Variants in MSI2 observed in about 807,000 individuals in gnomAD.
MSI2 encodes the protein RNA-binding protein Musashi homolog 2.
Under a neutral mutation model 45.6 loss-of-function variants are expected in MSI2, and 17 were observed. That is an observed-to-expected ratio of 0.37 (90% confidence interval 0.26 to 0.56). The LOEUF (loss-of-function observed/expected upper bound fraction) is 0.56, where lower values mean the gene tolerates loss of function less well. MSI2 is among the 20% of genes least tolerant of loss of function. MSI2 has a pLI of 0.77. For synonymous variants in MSI2, 156 were observed against 158.2 expected (o/e 0.99, Z 0.11); for missense variants, 293 against 444.2 (o/e 0.66, Z 3.06).
chr17:57,584,806 T>TA (rs1447441416), intron 7 of MSI2, among the ~76,000 whole-genome samples: 1 of 147,180 alleles, frequency 6.8e-6, no homozygotes, highest in Non-Finnish European at 1.5e-5. Context: ...TTTTTTTTTT[T>TA]AACCTAAATG....
At chr17:57,281,611 A>G (rs1909423799) in intron 5 of MSI2, among the ~76,000 whole-genome samples, 1 of 152,142 alleles carries the variant, frequency 6.6e-6, no homozygotes, top group Non-Finnish European at 1.5e-5. Flanking sequence ...TGCCTTCCAG[A>G]GAATGCTTTA....
At position 57,616,256 on chromosome 17, in the gene MSI2, AGTGTGGGTGTGTGTGTGTGCATGCAT is replaced by A. The variant is rs1188237457; in HGVS notation, c.652+178_652+203del. ...CGTTCCAAGACAGTTGTGATGATTA[AGTGTGGGTGTGTGTGTGTGCATGCAT>A]GTGTGTGTGTGTGTGTGTGTGTTTG... On this transcript the variant is annotated intron_variant, in intron 9 of 13. Coordinates refer to ENST00000284073, the MANE Select transcript of MSI2 (RefSeq NM_138962.4). 9 of 577,874 alleles carry A rather than the reference AGTGTGGGTGTGTGTGTGTGCATGCAT, an allele frequency of 1.6e-5. No homozygotes were observed. The Admixed American group carries it at 2.9e-4, about 18-fold the overall frequency. The allele number at this position is 577,874 out of a possible 1,614,324, so 35.8% of individuals were successfully genotyped here.
chr17:57,482,795 G>A (rs1193765169), intron 6 of MSI2, among the ~76,000 whole-genome samples: 1 of 152,180 alleles, frequency 6.6e-6, no homozygotes, highest in Non-Finnish European at 1.5e-5. Flanking sequence ...AGCAAGTCAA[G>A]GCCAGACCCT....
intron 5 of MSI2, among the ~76,000 whole-genome samples, chr17:57,311,043 A>T (rs1912359137): frequency 6.6e-6 from 1 of 152,244 alleles, no homozygotes; most frequent in South Asian, 2.1e-4. Context: ...TTTCTCTGCA[A>T]CATGTGTCAA....
At chr17:57,578,492 C>T (rs1220068595) in intron 7 of MSI2, among the ~76,000 whole-genome samples, 1 of 151,922 alleles carries the variant, frequency 6.6e-6, no homozygotes, top group Non-Finnish European at 1.5e-5. Context: ...GGGTAGGATG[C>T]ATCCCCAGCT....
intron 7 of MSI2, among the ~76,000 whole-genome samples, chr17:57,545,235 G>A (rs1439590729): frequency 1.3e-5 from 2 of 152,112 alleles, no homozygotes; most frequent in African/African-American, 4.8e-5. Flanking sequence ...CTAGTGGACC[G>A]TGGGGTGGGC....
chr17:57,478,847 T>TA (rs1422027501), intron 6 of MSI2, among the ~76,000 whole-genome samples: 3 of 152,192 alleles, frequency 2.0e-5, no homozygotes, highest in African/African-American at 7.2e-5. Flanking sequence ...AAGCAAGACT[T>TA]AACTGTTTAA....
intron 5 of MSI2, among the ~76,000 whole-genome samples, chr17:57,399,835 A>G (rs1360619029): frequency 1.3e-5 from 2 of 152,324 alleles, no homozygotes; most frequent in East Asian, 3.9e-4. Flanking sequence ...TCACACCCAG[A>G]GTTAGACCCA....
chr17:57,665,959 AT>A (rs1360785621), intron 11 of MSI2, among the ~76,000 whole-genome samples: 14 of 152,140 alleles, frequency 9.2e-5, no homozygotes, highest in Non-Finnish European at 1.8e-4. Context: ...GCAGTCCTGT[AT>A]CTCTTGGGGC....
chr17:57,385,795 G>A (rs8072123), intron 5 of MSI2, among the ~76,000 whole-genome samples: 146,805 of 152,358 alleles, frequency 0.96, 70,916 homozygotes, highest in East Asian at 1. Context: ...TGTTATAGTT[G>A]TTGTTGCTGT....
At chr17:57,522,734 C>T (rs1051105804) in intron 6 of MSI2, 11 of 152,206 alleles carry the variant, frequency 7.2e-5, no homozygotes, top group African/African-American at 2.7e-4. Flanking sequence ...CAGTGAGATC[C>T]TGGTGGGGCT....
chr17:57,365,055 A>G (rs1339366412), intron 5 of MSI2: 1 of 152,188 alleles, frequency 6.6e-6, no homozygotes, highest in African/African-American at 2.4e-5. Flanking sequence ...CCTGTCTGTT[A>G]ATAGTAGATA....
rs374120933 is a variant in MSI2, at chr17:57,655,495, A to G, written c.790+3334A>G. On this transcript the variant is annotated intron_variant, in intron 11 of 13. Transcript: ENST00000284073. ...TGAGCCCCTGGTACCACCCCGTCCC[A>G]CCTCTCCCCACCCACCCGGCCCCAG... Among the ~76,000 whole-genome samples, 21 of 151,132 alleles carry G rather than the reference A, an allele frequency of 1.4e-4. No homozygotes were observed. The East Asian group carries it at 4.1e-3, about 29-fold the overall frequency.
intron 6 of MSI2, among the ~76,000 whole-genome samples, chr17:57,419,724 G>A (rs1444474673): frequency 1.1e-4 from 16 of 152,136 alleles, no homozygotes; most frequent in Non-Finnish European, 1.5e-5. Flanking sequence ...TTCTTTGGTT[G>A]TGATGAGAAC....
In MSI2 at chr17:57,392,237, G is replaced by A. The variant is rs190948289; in HGVS notation, c.313-9142G>A. 1.9e-4 allele frequency among the ~76,000 whole-genome samples: 29 copies of A among 152,334 alleles called. No individual in the cohort carries two copies. In the South Asian group the frequency reaches 5.8e-3, roughly 30 times the overall value. ...GCTACTGTTTAGGATATTACTCTCT[G>A]ATAGTAATCTGTGGACAGGTCACCC... On this transcript the variant is annotated intron_variant, in intron 5 of 13. Transcript: ENST00000284073.
At chr17:57,455,695 G>A (rs1432329290) in intron 6 of MSI2, among the ~76,000 whole-genome samples, 2 of 152,212 alleles carry the variant, frequency 1.3e-5, no homozygotes, top group Non-Finnish European at 2.9e-5. Flanking sequence ...CAGAGGGACA[G>A]TGGGGGAGAG....
chr17:57,662,971 A>G (rs1912096166), intron 11 of MSI2, among the ~76,000 whole-genome samples: 1 of 152,256 alleles, frequency 6.6e-6, no homozygotes, highest in African/African-American at 2.4e-5. Flanking sequence ...GAAGTTAGCC[A>G]ATGCCCAGAA....
At chr17:57,265,665 G>A (rs1340214284) in intron 5 of MSI2, 1 of 152,176 alleles carries the variant, frequency 6.6e-6, no homozygotes, top group Non-Finnish European at 1.5e-5. Context: ...ACTAGAGGCT[G>A]TTAATTAGTG....
At chr17:57,585,481 G>A (rs1430551589) in intron 7 of MSI2, among the ~76,000 whole-genome samples, 1 of 152,168 alleles carries the variant, frequency 6.6e-6, no homozygotes, top group Non-Finnish European at 1.5e-5. Flanking sequence ...CCTGCTCAGA[G>A]TCATGCAGCC....
Sources: gnomAD v4.1 joint callset for allele counts (sites outside exome capture counted in the v4.1 genomes callset) on GRCh38, gnomAD v4.1.1 for gene constraint, MANE v1.5 for transcripts, NCBI Gene and HGNC (gene_info 2026-07-23, HGNC 2026-07-21) for gene names.